SATB2: variants seen among roughly 807,000 people sequenced by gnomAD.
The protein encoded by SATB2 is DNA-binding protein SATB2.
In SATB2, 1 loss-of-function variant was observed where a neutral mutation model predicts 73.4. The ratio of observed to expected loss-of-function variants is 0.01; its 90% confidence interval spans 0.00 to 0.06. The LOEUF is 0.06. Ranked by LOEUF, SATB2 falls within the 10% of genes least tolerant of loss-of-function variation. The pLI is 1.00. For missense variants in SATB2, 459 were observed against 945.8 expected (o/e 0.49, Z 6.75); for synonymous variants, 397 against 367.0 (o/e 1.08, Z -0.93).
intron 7 of SATB2, 67 bp downstream of exon 7, chr2:199,348,634 A>G (rs577094649): frequency 8.1e-7 from 1 of 1,234,678 alleles, no homozygotes; most frequent in East Asian, 2.3e-5. Flanking sequence ...AGATAAAAAT[A>G]ATTATAACCT....
intron 3 of SATB2, among the ~76,000 whole-genome samples, chr2:199,386,691 C>T (rs547628509): frequency 0.31 from 3,896 of 12,454 alleles, 203 homozygotes; most frequent in African/African-American, 0.45. Context: ...CATACACGTG[C>T]GCAAGCGCGC....
At chr2:199,451,002 C>T (rs1355178158) in intron 2 of SATB2, among the ~76,000 whole-genome samples, 2 of 151,750 alleles carry the variant, frequency 1.3e-5, no homozygotes, top group Non-Finnish European at 2.9e-5. Context: ...ACAGACTTTG[C>T]TGGTTACAAC....
At chr2:199,344,400 C>T (rs1688591809) in intron 7 of SATB2, among the ~76,000 whole-genome samples, 1 of 152,190 alleles carries the variant, frequency 6.6e-6, no homozygotes, top group Non-Finnish European at 1.5e-5. Context: ...CAACTATGGA[C>T]ACACAAATAT....
At chr2:199,363,436 T>C (rs1172279812) in intron 6 of SATB2, among the ~76,000 whole-genome samples, 3 of 152,190 alleles carry the variant, frequency 2.0e-5, no homozygotes, top group Non-Finnish European at 4.4e-5. Flanking sequence ...ATGTGGAATT[T>C]AAAACAATTG....
intron 10 of SATB2, among the ~76,000 whole-genome samples, chr2:199,281,376 G>A (rs1692489116): frequency 1.3e-5 from 2 of 151,780 alleles, no homozygotes; most frequent in Non-Finnish European, 2.9e-5. Flanking sequence ...TTTCCCAGGT[G>A]GTCACGTCTG....
chr2:199,423,348 GAAT>G (rs926573144), intron 3 of SATB2, among the ~76,000 whole-genome samples: 6 of 151,980 alleles, frequency 3.9e-5, no homozygotes, highest in Non-Finnish European at 8.8e-5. Flanking sequence ...TTAAATGAGT[GAAT>G]AAAATATGAT....
At chr2:199,446,750 T>C (rs1253726592) in intron 2 of SATB2, among the ~76,000 whole-genome samples, 1 of 152,186 alleles carries the variant, frequency 6.6e-6, no homozygotes, top group Admixed American at 6.5e-5. Context: ...AATAACTTTT[T>C]TAAAAAAGCT....
intron 2 of SATB2, among the ~76,000 whole-genome samples, chr2:199,433,823 T>C (rs1448364380): frequency 1.3e-5 from 2 of 152,152 alleles, no homozygotes; most frequent in African/African-American, 2.4e-5. Flanking sequence ...ATGTCTATAG[T>C]TTTATCATTA....
chr2:199,455,753 T>A lies in SATB2; in HGVS notation c.169+116A>T. 8.3e-7 allele frequency: 1 copy of A among 1,203,276 alleles called. No individual in the cohort carries two copies. Among genetic ancestry groups the A allele is most frequent in the Non-Finnish European group, 1.2e-6 (1 of 852,444 alleles). The allele number at this position is 1,203,276 out of a possible 1,614,324, so 74.5% of individuals were successfully genotyped here. On this transcript the variant is annotated intron_variant, in intron 2 of 10. Coordinates refer to ENST00000417098, the MANE Select transcript of SATB2 (RefSeq NM_001172509.2). The surrounding 1 kb of genome is among the most constrained non-coding windows in gnomAD (Gnocchi z 4.1). ...GCGACGGGGGCATTATTTGGCAACCTGGAATTCACTTCCTGTAATCCTACA... is the reference window on the plus strand; with the variant it reads ...GCGACGGGGGCATTATTTGGCAACCAGGAATTCACTTCCTGTAATCCTACA...
chr2:199,283,216 T>C (rs1692581848), intron 10 of SATB2, among the ~76,000 whole-genome samples: 1 of 150,122 alleles, frequency 6.7e-6, no homozygotes, highest in African/African-American at 2.4e-5. Flanking sequence ...CTTGAGTAGC[T>C]GGGAATACAG....
chr2:199,311,347 T>C (rs886505368), intron 9 of SATB2, among the ~76,000 whole-genome samples: 5 of 152,122 alleles, frequency 3.3e-5, no homozygotes, highest in African/African-American at 1.2e-4. Context: ...GATTAAGGGA[T>C]GGAGCCTTCA....
At chr2:199,399,220 C>A (rs1574589880) in intron 3 of SATB2, among the ~76,000 whole-genome samples, 1 of 152,116 alleles carries the variant, frequency 6.6e-6, no homozygotes, top group Non-Finnish European at 1.5e-5. Flanking sequence ...TGCAGTGGGC[C>A]AAGATCCTGC....
chr2:199,346,268 G>T (rs1310583297), intron 7 of SATB2, among the ~76,000 whole-genome samples: 1 of 151,466 alleles, frequency 6.6e-6, no homozygotes, highest in Admixed American at 6.6e-5. Context: ...TCCTACCTCA[G>T]CCTCCCAAGT....
intron 2 of SATB2, among the ~76,000 whole-genome samples, chr2:199,446,393 C>T (rs942242624): frequency 1.3e-5 from 2 of 152,038 alleles, no homozygotes; most frequent in African/African-American, 4.8e-5. Context: ...ATAACTACTC[C>T]TTTTTTTAAA....
intron 3 of SATB2, among the ~76,000 whole-genome samples, chr2:199,418,257 T>C (rs576798620): frequency 2.0e-5 from 3 of 152,212 alleles, no homozygotes; most frequent in South Asian, 2.1e-4. Flanking sequence ...AGCACCAAGA[T>C]GAAAGGCCCG....
chr2:199,325,012 A>G (rs1054427177), intron 8 of SATB2, among the ~76,000 whole-genome samples: 1 of 152,186 alleles, frequency 6.6e-6, no homozygotes, highest in African/African-American at 2.4e-5. Flanking sequence ...AGCAGTATGC[A>G]GGTCCAGAGA....
intron 6 of SATB2, among the ~76,000 whole-genome samples, chr2:199,357,163 C>T (rs1050311901): frequency 1.3e-5 from 2 of 152,170 alleles, no homozygotes; most frequent in Non-Finnish European, 1.5e-5. Flanking sequence ...GGGTCAGGAG[C>T]AATCAACTTT....
intron 10 of SATB2, among the ~76,000 whole-genome samples, chr2:199,302,283 T>C (rs926949211): frequency 1.3e-5 from 2 of 152,164 alleles, no homozygotes; most frequent in African/African-American, 4.8e-5. Flanking sequence ...AAACCCAAGA[T>C]GAAAATAACT....
chr2:199,314,495 T>C (rs1015971327), intron 9 of SATB2, among the ~76,000 whole-genome samples: 1 of 152,162 alleles, frequency 6.6e-6, no homozygotes, highest in African/African-American at 2.4e-5. Flanking sequence ...GGACATTGAT[T>C]CTGTTAACAA....
Sources: allele counts gnomAD v4.1 joint callset (sites outside exome capture counted in the v4.1 genomes callset), GRCh38; gene constraint gnomAD v4.1.1; non-coding constraint Gnocchi (gnomAD v3.1); transcripts MANE v1.5; gene names NCBI Gene and HGNC (gene_info 2026-07-23, HGNC 2026-07-21).